CMTM8: variants seen among roughly 807,000 people sequenced by gnomAD.
CMTM8 encodes the protein CKLF like MARVEL transmembrane domain containing 8, also known as CKLF-like MARVEL transmembrane domain-containing protein 8.
A neutral mutation model predicts 18.6 loss-of-function variants in CMTM8; 12 were observed. The ratio of observed to expected loss-of-function variants is 0.65; its 90% CI spans 0.41 to 1.05. The LOEUF is 1.05. CMTM8 is among the 50% of genes least tolerant of loss of function. CMTM8 has a pLI of 0.00. For synonymous variants in CMTM8, 87 were observed against 90.6 expected, an observed-to-expected ratio of 0.96 and a Z score of 0.23; for missense variants, 217 against 227.2, an observed-to-expected ratio of 0.95 and a Z score of 0.29.
At chr3:32,271,245 G>C (rs956140411) in intron 1 of CMTM8, among the ~76,000 whole-genome samples, 6 of 152,168 alleles carry the variant, frequency 3.9e-5, no homozygotes, top group Non-Finnish European at 8.8e-5. Flanking sequence ...TCCTGCCTCA[G>C]CCTCCTGAGT....
intron 1 of CMTM8, among the ~76,000 whole-genome samples, chr3:32,309,694 C>T (rs141916450): frequency 1.8e-3 from 281 of 152,214 alleles, no homozygotes; most frequent in African/African-American, 6.3e-3. Context: ...CTCACTTTTC[C>T]TCAAAGTCGG....
chr3:32,295,486 A>AAAAAAG (rs1702862854), intron 1 of CMTM8, among the ~76,000 whole-genome samples: 1 of 141,382 alleles, frequency 7.1e-6, no homozygotes, highest in African/African-American at 2.6e-5. Flanking sequence ...AAACAAAACA[A>AAAAAAG]AACAGCGGAA....
intron 1 of CMTM8, among the ~76,000 whole-genome samples, chr3:32,240,307 C>T (rs1252218062): frequency 6.6e-6 from 1 of 152,204 alleles, no homozygotes; most frequent in Non-Finnish European, 1.5e-5. Flanking sequence ...GTTGGCTTAG[C>T]TCCTCTCCCA....
intron 1 of CMTM8, among the ~76,000 whole-genome samples, chr3:32,300,698 C>G (rs905508206): frequency 2.0e-5 from 3 of 152,108 alleles, no homozygotes; most frequent in Non-Finnish European, 4.4e-5. Flanking sequence ...GTGGTTCACG[C>G]CTGTAATCCC....
intron 1 of CMTM8, among the ~76,000 whole-genome samples, chr3:32,321,349 C>T (rs762765165): frequency 6.6e-6 from 1 of 152,074 alleles, no homozygotes; most frequent in Non-Finnish European, 1.5e-5. Context: ...TGTGCACGTG[C>T]GACGGGGGCT....
intron 2 of CMTM8, among the ~76,000 whole-genome samples, chr3:32,359,129 T>C (rs1011465425): frequency 1.2e-4 from 19 of 152,206 alleles, no homozygotes; most frequent in African/African-American, 4.3e-4. Flanking sequence ...TTTCTAGTTA[T>C]GTTATCTAGA....
At chr3:32,271,275 C>T (rs917399309) in intron 1 of CMTM8, among the ~76,000 whole-genome samples, 1 of 152,118 alleles carries the variant, frequency 6.6e-6, no homozygotes, top group Non-Finnish European at 1.5e-5. Context: ...TATAGGCATG[C>T]GCCACCACGC....
chr3:32,345,121 A>T (rs2125591559), intron 1 of CMTM8, among the ~76,000 whole-genome samples: 1 of 152,282 alleles, frequency 6.6e-6, no homozygotes. Context: ...AGGTGGGCAG[A>T]TCACTTGAGC....
chr3:32,293,581 C>T (rs1245449667), intron 1 of CMTM8, among the ~76,000 whole-genome samples: 1 of 152,092 alleles, frequency 6.6e-6, no homozygotes, highest in African/African-American at 2.4e-5. Context: ...TGCAGTGACT[C>T]ACATCTGTAA....
chr3:32,346,713 C>G (rs1271736236), intron 1 of CMTM8, among the ~76,000 whole-genome samples: 1 of 152,146 alleles, frequency 6.6e-6, no homozygotes, highest in African/African-American at 2.4e-5. Flanking sequence ...CTGATACCAT[C>G]ACACTGGGAT....
At chr3:32,289,192 A>C (rs1702737826) in intron 1 of CMTM8, among the ~76,000 whole-genome samples, 1 of 152,220 alleles carries the variant, frequency 6.6e-6, no homozygotes, top group South Asian at 2.1e-4. Flanking sequence ...TGAAAGCCCC[A>C]ACGATAACGG....
intron 1 of CMTM8, among the ~76,000 whole-genome samples, chr3:32,241,828 C>T (rs1037206932): frequency 1.3e-5 from 2 of 152,224 alleles, no homozygotes; most frequent in Non-Finnish European, 2.9e-5. Flanking sequence ...CTTTTCCTTT[C>T]CTGCCCAATT....
intron 1 of CMTM8, among the ~76,000 whole-genome samples, chr3:32,330,806 G>A (rs2125583507): frequency 6.6e-6 from 1 of 152,146 alleles, no homozygotes; most frequent in South Asian, 2.1e-4. Context: ...GAATGAAGAT[G>A]AATCCTTACC....
rs116626094 is a variant in CMTM8 at position 32,301,810 on chromosome 3, G to A, written c.148-55563G>A. On this transcript the variant is annotated intron_variant, in intron 1 of 3. Coordinates refer to ENST00000307526, the MANE Select transcript of CMTM8 (RefSeq NM_178868.5). ...AAGGCAGGTGATGTCAGAGAACATT[G>A]GACTGAGTGTCAAGAGGTTTCCATT... Among the ~76,000 whole-genome samples, 424 of 152,144 alleles carry A rather than the reference G, an allele frequency of 2.8e-3. 5 individuals carry two copies. Among genetic ancestry groups the A allele is most frequent in the African/African-American group, 9.6e-3 (399 of 41,514 alleles).
chr3:32,349,659 C>T (rs1435072389), intron 1 of CMTM8, among the ~76,000 whole-genome samples: 1 of 152,136 alleles, frequency 6.6e-6, no homozygotes, highest in African/African-American at 2.4e-5. Flanking sequence ...GACAGGGAAG[C>T]TGCTATACAC....
chr3:32,295,478 A>AAAAAAAAAAAAAAAT (rs1702860945), intron 1 of CMTM8, among the ~76,000 whole-genome samples: 1 of 92,174 alleles, frequency 1.1e-5, no homozygotes, highest in Non-Finnish European at 1.9e-5. Flanking sequence ...AAAAAAAAAA[A>AAAAAAAAAAAAAAAT]CAAAACAAAA....
rs766251787 is a variant in CMTM8, at chr3:32,238,957, C to T, written c.-16C>T. 8 of 1,544,768 alleles carry T rather than the reference C, an allele frequency of 5.2e-6. No individual in the cohort carries two copies. The Admixed American group carries it at 7.9e-5, about 15-fold the overall frequency. On this transcript the variant is annotated 5_prime_UTR_variant, in exon 1 of 4. Transcript: ENST00000307526. ...CGGGGTCCCTGGGGACGCGCCAGCCCGGCAGTGGCTCGACGATGGAGGAGC... is the reference window on the plus strand; with the variant it reads ...CGGGGTCCCTGGGGACGCGCCAGCCTGGCAGTGGCTCGACGATGGAGGAGC...
intron 1 of CMTM8, among the ~76,000 whole-genome samples, chr3:32,296,981 G>C: frequency 6.6e-6 from 1 of 152,032 alleles, no homozygotes; most frequent in East Asian, 1.9e-4. Context: ...CTCCCTCCCC[G>C]TGTGTTTGCT....
At chr3:32,261,130 G>A (rs1702251711) in intron 1 of CMTM8, among the ~76,000 whole-genome samples, 1 of 151,146 alleles carries the variant, frequency 6.6e-6, no homozygotes, top group African/African-American at 2.4e-5. Context: ...GCTGAGGCAG[G>A]AGGATTGCCT....
Sources: allele counts gnomAD v4.1 joint callset (sites outside exome capture counted in the v4.1 genomes callset), GRCh38; gene constraint gnomAD v4.1.1; transcripts MANE v1.5; gene names NCBI Gene and HGNC (gene_info 2026-07-23, HGNC 2026-07-21).